The following TMEM108 variants were observed in gnomAD, a reference collection of about 807,000 sequenced individuals.
TMEM108 encodes the protein cancer/testis antigen 124.
Under a neutral mutation model 35.1 loss-of-function variants are expected in TMEM108, and 12 were observed. The observed-to-expected ratio is 0.34, with a 90% CI of 0.22 to 0.55. The LOEUF (loss-of-function observed/expected upper bound fraction) is 0.55. Among genes scored for constraint, TMEM108 ranks in the 20% least tolerant of loss-of-function variants. The probability of loss-of-function intolerance (pLI) is 0.89; values close to 1 mark genes in which losing one functional copy is unlikely to be tolerated. For synonymous variants in TMEM108, 287 were observed against 308.6 expected (o/e 0.93, Z 0.73); for missense variants, 680 against 753.3 (o/e 0.90, Z 1.14).
At chr3:133,246,071 T>TA (rs774083629) in intron 3 of TMEM108, 3 of 152,340 alleles carry the variant, frequency 2.0e-5, no homozygotes, top group Non-Finnish European at 2.9e-5. Flanking sequence ...TCATAAAACT[T>TA]ACGATTGGAA....
intron 3 of TMEM108, among the ~76,000 whole-genome samples, chr3:133,238,982 G>T (rs1055558028): frequency 3.3e-5 from 5 of 152,122 alleles, no homozygotes; most frequent in Non-Finnish European, 1.5e-5. Context: ...CAGTGAAGTT[G>T]TCTTCCCTTG....
intron 2 of TMEM108, among the ~76,000 whole-genome samples, chr3:133,104,088 C>T (rs1944120908): frequency 1.3e-5 from 2 of 152,172 alleles, no homozygotes; most frequent in African/African-American, 4.8e-5. Flanking sequence ...GAAAGTACTA[C>T]TGGGTAGATG....
chr3:133,073,243 A>G (rs1440635356), intron 2 of TMEM108, among the ~76,000 whole-genome samples: 1 of 151,618 alleles, frequency 6.6e-6, no homozygotes, highest in Non-Finnish European at 1.5e-5. Flanking sequence ...GTCTCATTGA[A>G]ATTTTGTATC....
chr3:133,299,519 A>G (rs971228816), intron 3 of TMEM108, among the ~76,000 whole-genome samples: 3 of 152,164 alleles, frequency 2.0e-5, no homozygotes, highest in African/African-American at 4.8e-5. Flanking sequence ...ACGTTTATAT[A>G]GAAGATGACT....
intron 2 of TMEM108, among the ~76,000 whole-genome samples, chr3:133,081,929 G>A (rs1943815973): frequency 6.6e-6 from 1 of 152,150 alleles, no homozygotes; most frequent in African/African-American, 2.4e-5. Context: ...CCATTGGTTG[G>A]GAGTGGCAAG....
At position 133,191,767 on chromosome 3, in the gene TMEM108, T is replaced by C. The variant is rs114215435; in HGVS notation, c.-46-37499T>C. Among the ~76,000 whole-genome samples the C allele has an allele frequency of 9.6e-3, 1,455 of 152,248 alleles. 23 individuals are homozygous for C. The highest frequency in any genetic ancestry group is 0.033 in the African/African-American group (1,376 of 41,546). ...GAGGTGTACTAGTGTAGGAATCAGATTGGATTTTTAGAAGCTAGGAGGTAG... is the reference window on the plus strand; with the variant it reads ...GAGGTGTACTAGTGTAGGAATCAGACTGGATTTTTAGAAGCTAGGAGGTAG... On this transcript the variant is annotated intron_variant, in intron 2 of 5. Transcript: ENST00000321871.
At chr3:133,137,880 G>A (rs1410716132) in intron 2 of TMEM108, among the ~76,000 whole-genome samples, 1 of 152,128 alleles carries the variant, frequency 6.6e-6, no homozygotes, top group Non-Finnish European at 1.5e-5. Context: ...ACAAAGCTTA[G>A]GGGAAAACAG....
intron 3 of TMEM108, among the ~76,000 whole-genome samples, chr3:133,342,719 T>C (rs2071703053): frequency 6.6e-6 from 1 of 150,446 alleles, no homozygotes. Context: ...TGGTCTCATA[T>C]AAGTAGAGAG....
At chr3:133,301,412 A>G (rs1179982227) in intron 3 of TMEM108, among the ~76,000 whole-genome samples, 1 of 152,204 alleles carries the variant, frequency 6.6e-6, no homozygotes, top group Non-Finnish European at 1.5e-5. Flanking sequence ...AGGTTTAACC[A>G]CAGTTCAGGA....
At chr3:133,313,230 C>G (rs975663320) in intron 3 of TMEM108, among the ~76,000 whole-genome samples, 1 of 149,814 alleles carries the variant, frequency 6.7e-6, no homozygotes, top group African/African-American at 2.5e-5. Flanking sequence ...TGGAGTCTCT[C>G]TCTGTCACCC....
chr3:133,372,207 A>C (rs1576516982), intron 3 of TMEM108, among the ~76,000 whole-genome samples: 1 of 152,328 alleles, frequency 6.6e-6, no homozygotes, highest in East Asian at 1.9e-4. Flanking sequence ...TTCATCAAGC[A>C]TTCCTCTACT....
At chr3:133,393,559 A>G (rs753798552) in intron 5 of TMEM108, among the ~76,000 whole-genome samples, 7 of 152,242 alleles carry the variant, frequency 4.6e-5, no homozygotes, top group Non-Finnish European at 1.0e-4. Flanking sequence ...AATGCCCAAG[A>G]AAAATTTTTA....
chr3:133,285,524 C>T (rs1295396919), intron 3 of TMEM108, among the ~76,000 whole-genome samples: 2 of 152,172 alleles, frequency 1.3e-5, no homozygotes, highest in African/African-American at 4.8e-5. Context: ...TTGAAGCACG[C>T]ACAGGCAGCT....
At chr3:133,353,663 T>C (rs2072074419) in intron 3 of TMEM108, among the ~76,000 whole-genome samples, 1 of 152,158 alleles carries the variant, frequency 6.6e-6, no homozygotes, top group Non-Finnish European at 1.5e-5. Flanking sequence ...GCAAAGAAAG[T>C]CCTGGATTTG....
intron 3 of TMEM108, among the ~76,000 whole-genome samples, chr3:133,318,642 A>G (rs967061013): frequency 1.3e-5 from 2 of 152,214 alleles, no homozygotes; most frequent in Non-Finnish European, 2.9e-5. Context: ...GTGGGACAGT[A>G]TACAGGACAA....
At chr3:133,331,002 G>A (rs564204361) in intron 3 of TMEM108, among the ~76,000 whole-genome samples, 10 of 152,174 alleles carry the variant, frequency 6.6e-5, no homozygotes, top group South Asian at 4.1e-4. Flanking sequence ...GAGGAGGGAC[G>A]GGGATGGGGA....
At chr3:133,337,912 A>C (rs1451274301) in intron 3 of TMEM108, among the ~76,000 whole-genome samples, 1 of 152,184 alleles carries the variant, frequency 6.6e-6, no homozygotes, top group Non-Finnish European at 1.5e-5. Context: ...TGCAATTGAC[A>C]TGCTGAAGAA....
intron 2 of TMEM108, among the ~76,000 whole-genome samples, chr3:133,073,510 C>CTCTCTCTCTCTCTCTCTCTCTCTCTATA: frequency 2.3e-5 from 1 of 43,910 alleles, no homozygotes; most frequent in African/African-American, 1.2e-4. Flanking sequence ...CTCTCTCTCT[C>CTCTCTCTCTCTCTCTCTCTCTCTCTATA]TATATATATA....
chr3:133,249,511 C>A (rs933228556), intron 3 of TMEM108, among the ~76,000 whole-genome samples: 10 of 152,178 alleles, frequency 6.6e-5, no homozygotes, highest in Admixed American at 6.5e-4. Context: ...ATCTTTATGT[C>A]CATGAGTACC....
Sources: allele counts gnomAD v4.1 joint callset (sites outside exome capture counted in the v4.1 genomes callset), GRCh38; gene constraint gnomAD v4.1.1; transcripts MANE v1.5; gene names NCBI Gene and HGNC (gene_info 2026-07-23, HGNC 2026-07-21).